The following PCDH9 variants were observed in gnomAD, a reference collection of about 807,000 sequenced individuals.
PCDH9 encodes the protein protocadherin 9.
A neutral mutation model predicts 70.6 loss-of-function variants in PCDH9; 24 were observed. The ratio of observed to expected loss-of-function variants is 0.34; its 90% confidence interval spans 0.25 to 0.48. The LOEUF (loss-of-function observed/expected upper bound fraction) is 0.48. PCDH9 is among the 20% of genes least tolerant of loss of function. The probability of loss-of-function intolerance (pLI) is 0.99; values close to 1 mark genes in which losing one functional copy is unlikely to be tolerated. For missense variants in PCDH9, 1,281 were observed against 1,503.6 expected, an observed-to-expected ratio of 0.85 and a Z score of 2.45; for synonymous variants, 562 against 558.5, an observed-to-expected ratio of 1.01 and a Z score of -0.09.
intron 3 of PCDH9, among the ~76,000 whole-genome samples, chr13:66,634,321 AT>A (rs1262694532): frequency 2.0e-5 from 3 of 152,232 alleles, no homozygotes; most frequent in Non-Finnish European, 2.9e-5. Context: ...AAACAAACCC[AT>A]CTTTATCATC....
chr13:67,017,933 A>G (rs155009), intron 2 of PCDH9, among the ~76,000 whole-genome samples: 107,761 of 152,130 alleles, frequency 0.71, 39,167 homozygotes, highest in East Asian at 0.97. Context: ...AGAAAATAAC[A>G]TTATTAAAGA....
At chr13:66,788,884 C>G (rs1022186117) in intron 3 of PCDH9, among the ~76,000 whole-genome samples, 4 of 151,998 alleles carry the variant, frequency 2.6e-5, no homozygotes, top group Non-Finnish European at 5.9e-5. Context: ...GATAAGACTT[C>G]CAGTCTGACT....
intron 4 of PCDH9, among the ~76,000 whole-genome samples, chr13:66,348,664 T>C (rs917535893): frequency 1.6e-5 from 2 of 125,560 alleles, no homozygotes; most frequent in Middle Eastern, 4.2e-3. Flanking sequence ...GCTTGTATAG[T>C]GCTATTTGCC....
At chr13:66,833,943 G>T (rs1266824814) in intron 3 of PCDH9, among the ~76,000 whole-genome samples, 2 of 152,040 alleles carry the variant, frequency 1.3e-5, no homozygotes, top group Admixed American at 6.5e-5. Context: ...TAATGAGCTG[G>T]CAAACACTGA....
intron 3 of PCDH9, among the ~76,000 whole-genome samples, chr13:66,745,438 A>T (rs556786182): frequency 2.0e-5 from 3 of 152,288 alleles, no homozygotes; most frequent in East Asian, 1.9e-4. Flanking sequence ...CCTGACCAGG[A>T]GTTTTCCTAA....
chr13:66,575,010 T>G (rs2076793437), intron 4 of PCDH9, among the ~76,000 whole-genome samples: 1 of 151,908 alleles, frequency 6.6e-6, no homozygotes, highest in African/African-American at 2.4e-5. Context: ...TCGTCTCTAC[T>G]AAAAATACAA....
At chr13:66,347,002 G>A (rs1484890909) in intron 4 of PCDH9, among the ~76,000 whole-genome samples, 2 of 152,110 alleles carry the variant, frequency 1.3e-5, no homozygotes, top group Non-Finnish European at 2.9e-5. Context: ...AGATTATGGG[G>A]ATATATTAAC....
chr13:67,129,355 C>T (rs2087052899), intron 2 of PCDH9, among the ~76,000 whole-genome samples: 1 of 152,064 alleles, frequency 6.6e-6, no homozygotes, highest in African/African-American at 2.4e-5. Context: ...TTATGAGTTA[C>T]ATGTTAGTAA....
intron 3 of PCDH9, among the ~76,000 whole-genome samples, chr13:66,633,923 A>AT (rs1348178192): frequency 6.6e-6 from 1 of 151,246 alleles, no homozygotes; most frequent in Non-Finnish European, 1.5e-5. Context: ...CCTTGTAACA[A>AT]TTTTTTATTG....
At chr13:67,167,866 A>G (rs1490246842) in intron 2 of PCDH9, among the ~76,000 whole-genome samples, 2 of 152,182 alleles carry the variant, frequency 1.3e-5, no homozygotes, top group Non-Finnish European at 2.9e-5. Context: ...CATTAAGACT[A>G]ATGCATACAG....
chr13:66,543,151 T>C (rs1235401488), intron 4 of PCDH9, among the ~76,000 whole-genome samples: 1 of 152,140 alleles, frequency 6.6e-6, no homozygotes, highest in Non-Finnish European at 1.5e-5. Context: ...TATTAAATAA[T>C]ATCAAATCAG....
chr13:66,846,600 A>AT (rs1378134772), intron 3 of PCDH9, among the ~76,000 whole-genome samples: 1 of 151,918 alleles, frequency 6.6e-6, no homozygotes, highest in African/African-American at 2.4e-5. Flanking sequence ...CTTGCTTTAT[A>AT]TTTTATCTTC....
intron 3 of PCDH9, among the ~76,000 whole-genome samples, chr13:66,784,905 C>T (rs1310045034): frequency 2.0e-5 from 3 of 152,064 alleles, no homozygotes; most frequent in African/African-American, 7.2e-5. Context: ...CTATAGAAAA[C>T]CTCTAACTAG....
rs1442356367 is a variant in PCDH9, at chr13:66,565,865, GA to G, written c.3340+65344del. On this transcript the variant is annotated intron_variant, in intron 4 of 4. Coordinates refer to ENST00000377865, the MANE Select transcript of PCDH9 (RefSeq NM_203487.3). ...CATCTCTCTCCTATTTCCTCCTATG[GA>G]AAAAAACAAAGCTGCTTGGGAGAGA... Among the ~76,000 whole-genome samples, 10 of 151,960 alleles carry G rather than the reference GA, an allele frequency of 6.6e-5. No individual in the cohort carries two copies. The South Asian group carries it at 2.1e-3, about 32-fold the overall frequency.
At chr13:66,727,994 A>G (rs2079027691) in intron 3 of PCDH9, among the ~76,000 whole-genome samples, 1 of 151,978 alleles carries the variant, frequency 6.6e-6, no homozygotes, top group East Asian at 1.9e-4. Context: ...TTATAAATTT[A>G]TTTTATTTCA....
At chr13:66,707,905 T>C (rs9317604) in intron 3 of PCDH9, among the ~76,000 whole-genome samples, 47,065 of 152,150 alleles carry the variant, frequency 0.31, 8,239 homozygotes, top group East Asian at 0.51. Flanking sequence ...GTATTTTGCT[T>C]GTTTATCTTC....
intron 3 of PCDH9, among the ~76,000 whole-genome samples, chr13:66,720,170 T>G (rs2078922818): frequency 6.6e-6 from 1 of 151,938 alleles, no homozygotes; most frequent in Admixed American, 6.6e-5. Flanking sequence ...TATTTTTTTT[T>G]GACACAGGGT....
At chr13:66,995,014 A>G (rs1318910627) in intron 2 of PCDH9, among the ~76,000 whole-genome samples, 1 of 152,238 alleles carries the variant, frequency 6.6e-6, no homozygotes, top group Non-Finnish European at 1.5e-5. Flanking sequence ...TTGGGAGGAC[A>G]TCAGCGGCCT....
Position 66,625,778 on chromosome 13 carries a change from A to G in PCDH9, c.3340+5432T>C, listed in dbSNP as rs538682498. Among the ~76,000 whole-genome samples, 20 of 151,800 alleles carry G rather than the reference A, an allele frequency of 1.3e-4. No individual in the cohort carries two copies. In the South Asian group the frequency reaches 4.2e-3, roughly 32 times the overall value. On this transcript the variant is annotated intron_variant, in intron 4 of 4. Transcript: ENST00000377865. Reference sequence around the variant, plus strand: ...TGGGTTCAAGTGATTCTAGTGCCTCAGCCTCCTGAGTAGCTGGGATTACAG... The same window carrying G: ...TGGGTTCAAGTGATTCTAGTGCCTCGGCCTCCTGAGTAGCTGGGATTACAG...
Sources: allele counts gnomAD v4.1 joint callset (sites outside exome capture counted in the v4.1 genomes callset), GRCh38; gene constraint gnomAD v4.1.1; transcripts MANE v1.5; gene names NCBI Gene and HGNC (gene_info 2026-07-23, HGNC 2026-07-21).